The following FGF12 variants were observed in gnomAD, a reference collection of about 807,000 sequenced individuals.
The protein encoded by FGF12 is fibroblast growth factor 12.
FGF12 carries 14 observed loss-of-function variants against 23.6 expected under a neutral mutation model. The ratio of observed to expected loss-of-function variants is 0.59; its 90% CI spans 0.39 to 0.93. The LOEUF is 0.93. FGF12 is among the 40% of genes least tolerant of loss of function. The pLI is 0.00. For synonymous variants in FGF12, 62 were observed against 77.3 expected (o/e 0.80, Z 1.04); for missense variants, 175 against 217.8 (o/e 0.80, Z 1.24).
At chr3:192,531,593 C>T (rs369130242) in intron 2 of FGF12, among the ~76,000 whole-genome samples, 10 of 151,942 alleles carry the variant, frequency 6.6e-5, no homozygotes, top group African/African-American at 2.4e-4. Flanking sequence ...ACCCACTGGT[C>T]GTCCCTATTT....
At chr3:192,323,953 G>A (rs548931899) in intron 4 of FGF12, among the ~76,000 whole-genome samples, 1 of 152,048 alleles carries the variant, frequency 6.6e-6, no homozygotes, top group African/African-American at 2.4e-5. Flanking sequence ...TTGGCTGGGT[G>A]TGGTGGTGTG....
At chr3:192,543,832 C>A (rs530232905) in intron 2 of FGF12, among the ~76,000 whole-genome samples, 1 of 152,242 alleles carries the variant, frequency 6.6e-6, no homozygotes, top group Non-Finnish European at 1.5e-5. Flanking sequence ...TGGGATGGGG[C>A]CCTCAGGACT....
At chr3:192,575,581 C>G (rs538131695) in intron 2 of FGF12, among the ~76,000 whole-genome samples, 1 of 152,270 alleles carries the variant, frequency 6.6e-6, no homozygotes, top group South Asian at 2.1e-4. Flanking sequence ...ACTAGGGCTT[C>G]CATATTGAAG....
At chr3:192,434,001 T>C (rs7646821) in intron 2 of FGF12, among the ~76,000 whole-genome samples, 4,871 of 152,206 alleles carry the variant, frequency 0.032, 269 homozygotes, top group African/African-American at 0.11. Flanking sequence ...CCAAGCTAAA[T>C]GTATCCCCAG....
At chr3:192,145,021 C>T (rs957749269) in intron 5 of FGF12, among the ~76,000 whole-genome samples, 37 of 152,160 alleles carry the variant, frequency 2.4e-4, no homozygotes, top group African/African-American at 8.9e-4. Context: ...ACCTATTAAA[C>T]CATCATTACA....
intron 4 of FGF12, among the ~76,000 whole-genome samples, chr3:192,297,581 C>A (rs1041819737): frequency 3.5e-4 from 53 of 152,108 alleles, no homozygotes; most frequent in Non-Finnish European, 6.3e-4. Context: ...CACAACATAA[C>A]AATACCACTT....
intron 2 of FGF12, among the ~76,000 whole-genome samples, chr3:192,430,947 T>C: frequency 6.6e-6 from 1 of 152,228 alleles, no homozygotes; most frequent in East Asian, 1.9e-4. Context: ...TCAACAGTTT[T>C]TAAATTCCAC....
intron 4 of FGF12, among the ~76,000 whole-genome samples, chr3:192,330,398 C>A (rs138260709): frequency 6.6e-6 from 1 of 152,184 alleles, no homozygotes; most frequent in African/African-American, 2.4e-5. Flanking sequence ...CAATGGAACA[C>A]AATAGAGAGG....
intron 2 of FGF12, among the ~76,000 whole-genome samples, chr3:192,468,048 C>G (rs1165277493): frequency 6.6e-6 from 1 of 152,192 alleles, no homozygotes; most frequent in African/African-American, 2.4e-5. Context: ...ACACTCCCGA[C>G]AGTGGGGAAG....
intron 4 of FGF12, among the ~76,000 whole-genome samples, chr3:192,242,304 G>A (rs994021): frequency 0.33 from 50,070 of 151,972 alleles, 9,428 homozygotes; most frequent in East Asian, 0.89. Flanking sequence ...TTTTGTTGTG[G>A]GAGCTGTCCT....
At chr3:192,412,119 T>C (rs1306148635) in intron 2 of FGF12, among the ~76,000 whole-genome samples, 1 of 152,220 alleles carries the variant, frequency 6.6e-6, no homozygotes, top group East Asian at 1.9e-4. Context: ...CAGAGTTTAA[T>C]GTATGTTTGC....
At chr3:192,144,225 C>G (rs1713567638) in intron 5 of FGF12, 98 bp from the exon 6 acceptor site, 1 of 681,206 alleles carries the variant, frequency 1.5e-6, no homozygotes. Flanking sequence ...TCACTCTCAT[C>G]ACAAGCTCTT....
chr3:192,274,157 T>C (rs558498242), intron 4 of FGF12, among the ~76,000 whole-genome samples: 1 of 151,588 alleles, frequency 6.6e-6, no homozygotes, highest in East Asian at 1.9e-4. Context: ...ATAAAGATTA[T>C]TTGCTATATC....
Position 192,714,513 on chromosome 3 carries a change from A to ATTTTTTTTTTTTTTTTTTTTTT in FGF12, c.13+12646_13+12667dup, listed in dbSNP as rs770781442. Among the ~76,000 whole-genome samples the ATTTTTTTTTTTTTTTTTTTTTT allele has an allele frequency of 4.4e-4, 44 of 99,752 alleles. 1 individual carries two copies. Among genetic ancestry groups the ATTTTTTTTTTTTTTTTTTTTTT allele is most frequent in the Middle Eastern group, 8.3e-3 (1 of 120 alleles). The allele number at this position is 99,752 out of a possible 152,430, so 65.4% of individuals were successfully genotyped here. ...CTTATTTATAGATCTTAAGGAAATA[A>ATTTTTTTTTTTTTTTTTTTTTT]TTTTTTTTTTTTTTTTTTTTTTTGA... On this transcript the variant is annotated intron_variant, in intron 2 of 5. Coordinates refer to ENST00000445105, the MANE Select transcript of FGF12 (RefSeq NM_004113.6).
rs1261117463 is a variant in FGF12, at chr3:192,650,086, G to A, written c.13+77095C>T. Among the ~76,000 whole-genome samples, 19 of 152,196 alleles carry A rather than the reference G, an allele frequency of 1.2e-4. 1 individual carries two copies. The highest frequency in any genetic ancestry group is 1.2e-3 in the Admixed American group (19 of 15,268). On this transcript the variant is annotated intron_variant, in intron 2 of 5. Transcript: ENST00000445105. ...AGTCTTTCACTGTTGCAGACTGTAA[G>A]GAAGAAGAACCAAAGAGAGTCATGG... is the stretch of plus-strand genomic sequence containing the variant.
intron 2 of FGF12, among the ~76,000 whole-genome samples, chr3:192,404,606 T>C (rs774572943): frequency 3.7e-4 from 57 of 152,202 alleles, no homozygotes; most frequent in Non-Finnish European, 6.9e-4. Context: ...TTTTCACACA[T>C]AAATAATGAC....
intron 5 of FGF12, among the ~76,000 whole-genome samples, chr3:192,145,817 T>C (rs1441773722): frequency 6.6e-6 from 1 of 152,222 alleles, no homozygotes; most frequent in Non-Finnish European, 1.5e-5. Flanking sequence ...CATTCAAGTT[T>C]GTCTTTCTTC....
chr3:192,323,181 T>C (rs889205160), intron 4 of FGF12, among the ~76,000 whole-genome samples: 8 of 152,044 alleles, frequency 5.3e-5, no homozygotes, highest in Non-Finnish European at 1.0e-4. Context: ...AAACTAAAAA[T>C]AGAATGACCA....
chr3:192,549,544 T>G (rs1485240128), intron 2 of FGF12, among the ~76,000 whole-genome samples: 2 of 152,190 alleles, frequency 1.3e-5, no homozygotes, highest in Non-Finnish European at 2.9e-5. Context: ...AATGTTAATT[T>G]TATGTGTCTA....
Sources: gnomAD v4.1 joint callset for allele counts (sites outside exome capture counted in the v4.1 genomes callset) on GRCh38, gnomAD v4.1.1 for gene constraint, MANE v1.5 for transcripts, NCBI Gene and HGNC (gene_info 2026-07-23, HGNC 2026-07-21) for gene names.